STARD13: variants seen among roughly 807,000 people sequenced by gnomAD.
STARD13 encodes the protein stAR-related lipid transfer protein 13.
A neutral mutation model predicts 106.4 loss-of-function variants in STARD13; 62 were observed. That is an observed-to-expected ratio of 0.58 (90% confidence interval 0.48 to 0.72). The LOEUF is 0.72. STARD13 is among the 30% of genes least tolerant of loss of function. The probability of loss-of-function intolerance (pLI) is 0.00; values close to 1 mark genes in which losing one functional copy is unlikely to be tolerated. For synonymous variants in STARD13, 565 were observed against 553.0 expected, an observed-to-expected ratio of 1.02 and a Z score of -0.31; for missense variants, 1,387 against 1,424.0, an observed-to-expected ratio of 0.97 and a Z score of 0.42.
the STARD13 span, among the ~76,000 whole-genome samples, chr13:33,552,307 C>CT: frequency 6.7e-3 from 1,025 of 152,318 alleles, 5 homozygotes; most frequent in Non-Finnish European, 9.5e-3. Context: ...TCCACCAACT[C>CT]TATCCACCAA....
intron 5 of STARD13, among the ~76,000 whole-genome samples, chr13:33,127,942 C>T (rs2764616): frequency 0.55 from 81,697 of 149,348 alleles, 23,277 homozygotes; most frequent in Non-Finnish European, 0.63. Context: ...AGGAAAGAGA[C>T]GGAGACAGGG....
the STARD13 span, among the ~76,000 whole-genome samples, chr13:33,414,215 T>C: frequency 4.6e-5 from 7 of 152,212 alleles, no homozygotes; most frequent in African/African-American, 7.2e-5. Flanking sequence ...TATATCCCTC[T>C]GACATTGCTA....
the STARD13 span, among the ~76,000 whole-genome samples, chr13:33,444,165 C>T: frequency 6.6e-6 from 1 of 152,102 alleles, no homozygotes; most frequent in Non-Finnish European, 1.5e-5. Context: ...AAACATTTGC[C>T]GAGTGCTTAG....
the STARD13 span, among the ~76,000 whole-genome samples, chr13:33,388,954 CT>C: frequency 4.8e-3 from 616 of 128,352 alleles, 2 homozygotes; most frequent in Middle Eastern, 0.025. Context: ...AGGGGTCCTT[CT>C]TTTTTTTTTT....
At chr13:33,546,650 A>ATT in the STARD13 span, among the ~76,000 whole-genome samples, 3,495 of 147,142 alleles carry the variant, frequency 0.024, 51 homozygotes, top group Middle Eastern at 0.056. Context: ...TGTCGTATTA[A>ATT]TTTTTTTTTT....
At chr13:33,358,193 C>T in the STARD13 span, among the ~76,000 whole-genome samples, 3 of 152,220 alleles carry the variant, frequency 2.0e-5, no homozygotes, top group Non-Finnish European at 4.4e-5. Context: ...CTCGATTTCT[C>T]GCCGGGCCTT....
chr13:33,606,425 T>G, the STARD13 span, among the ~76,000 whole-genome samples: 2 of 152,238 alleles, frequency 1.3e-5, no homozygotes, highest in South Asian at 4.1e-4. Context: ...TCTTAAAATA[T>G]TAGCTTTATT....
At chr13:33,145,234 TAAGAG>T (rs1482188955) in intron 3 of STARD13, among the ~76,000 whole-genome samples, 2 of 152,332 alleles carry the variant, frequency 1.3e-5, no homozygotes, top group African/African-American at 4.8e-5. Flanking sequence ...CAGATACTTC[TAAGAG>T]AAGACATGAA....
At chr13:33,638,091 T>G in the STARD13 span, among the ~76,000 whole-genome samples, 1 of 152,214 alleles carries the variant, frequency 6.6e-6, no homozygotes, top group Non-Finnish European at 1.5e-5. Context: ...TTGAAGGGAT[T>G]TATTCTGAGC....
At chr13:33,350,526 C>T in exon 1 of STARD13, 1 of 1,444,410 alleles carries the variant, frequency 6.9e-7, no homozygotes, top group Non-Finnish European at 9.1e-7. Context: ...CGCCGGGGTC[C>T]CGGGACCCAA....
the STARD13 span, among the ~76,000 whole-genome samples, chr13:33,373,968 T>C: frequency 6.6e-6 from 1 of 152,136 alleles, no homozygotes; most frequent in Admixed American, 6.5e-5. Flanking sequence ...AATCAGGGAT[T>C]CAAACAGATA....
chr13:33,184,813 A>G (rs1339850068), intron 1 of STARD13, among the ~76,000 whole-genome samples: 1 of 152,260 alleles, frequency 6.6e-6, no homozygotes, highest in Non-Finnish European at 1.5e-5. Context: ...AGCTATTATT[A>G]TTAACCGAAA....
the STARD13 span, among the ~76,000 whole-genome samples, chr13:33,675,996 A>G: frequency 1.3e-5 from 2 of 152,234 alleles, no homozygotes; most frequent in Non-Finnish European, 2.9e-5. Context: ...CATTAGACAA[A>G]TAATTGCCTT....
At chr13:33,431,469 G>A in the STARD13 span, among the ~76,000 whole-genome samples, 1 of 152,068 alleles carries the variant, frequency 6.6e-6, no homozygotes, top group East Asian at 1.9e-4. Flanking sequence ...ACTCACATTT[G>A]TAGCTCACAT....
chr13:33,472,288 T>G, the STARD13 span, among the ~76,000 whole-genome samples: 1 of 152,170 alleles, frequency 6.6e-6, no homozygotes, highest in Non-Finnish European at 1.5e-5. Context: ...TCTTTCTTGT[T>G]TATTCTTTTA....
the STARD13 span, among the ~76,000 whole-genome samples, chr13:33,591,444 T>C: frequency 6.6e-6 from 1 of 152,240 alleles, no homozygotes; most frequent in Middle Eastern, 3.2e-3. Flanking sequence ...ATATAAGTTC[T>C]TGTCTTTTTC....
chr13:33,142,482 A>G (rs1879965666), intron 3 of STARD13, 109 bp from the exon 4 acceptor site: 10 of 945,936 alleles, frequency 1.1e-5, no homozygotes, highest in East Asian at 9.9e-5. Context: ...GGAACAACCA[A>G]TTATGTCCCA....
At chr13:33,458,378 T>G in the STARD13 span, among the ~76,000 whole-genome samples, 1 of 151,886 alleles carries the variant, frequency 6.6e-6, no homozygotes, top group African/African-American at 2.4e-5. Flanking sequence ...GTTCATGCCA[T>G]TCTCCTGCTT....
At chr13:33,199,251 ATTCT>A (rs1886848056) in intron 1 of STARD13, among the ~76,000 whole-genome samples, 1 of 152,228 alleles carries the variant, frequency 6.6e-6, no homozygotes. Flanking sequence ...AACAAAAATC[ATTCT>A]TTCTTGAATT....
Sources: allele counts gnomAD v4.1 joint callset (sites outside exome capture counted in the v4.1 genomes callset), GRCh38; gene constraint gnomAD v4.1.1; transcripts MANE v1.5; gene names NCBI Gene and HGNC (gene_info 2026-07-23, HGNC 2026-07-21).